EIF2B3: variants seen among roughly 807,000 people sequenced by gnomAD.
EIF2B3 encodes translation initiation factor eIF2B subunit gamma.
In EIF2B3, 20 loss-of-function variants were observed where a neutral mutation model predicts 54.1. The ratio of observed to expected loss-of-function variants is 0.37; its 90% confidence interval spans 0.26 to 0.54. EIF2B3 has a LOEUF of 0.54. Ranked by LOEUF, EIF2B3 falls within the 20% of genes least tolerant of loss-of-function variation. The probability of loss-of-function intolerance (pLI) is 0.86; values close to 1 mark genes in which losing one functional copy is unlikely to be tolerated. For missense variants in EIF2B3, 448 were observed against 547.8 expected, an observed-to-expected ratio of 0.82 and a Z score of 1.82; for synonymous variants, 153 against 188.1, an observed-to-expected ratio of 0.81 and a Z score of 1.52.
chr1:44,948,695 G>T (rs1164696538), intron 3 of EIF2B3, among the ~76,000 whole-genome samples: 1 of 151,848 alleles, frequency 6.6e-6, no homozygotes, highest in African/African-American at 2.4e-5. Flanking sequence ...ACACCACCTG[G>T]CTTTGAGTAC....
chr1:44,909,267 C>T (rs530901370), intron 5 of EIF2B3, among the ~76,000 whole-genome samples: 34 of 151,410 alleles, frequency 2.2e-4, no homozygotes, highest in African/African-American at 8.0e-4. Flanking sequence ...GCAGATTAAA[C>T]ATAAGCGTTA....
intron 6 of EIF2B3, among the ~76,000 whole-genome samples, chr1:44,895,708 G>A (rs1331386249): frequency 6.6e-6 from 1 of 152,140 alleles, no homozygotes; most frequent in Non-Finnish European, 1.5e-5. Context: ...AGGGTAATGG[G>A]GGGAGAGAAA....
chr1:44,958,792 G>C, intron 3 of EIF2B3: 3 of 1,363,970 alleles, frequency 2.2e-6, no homozygotes, highest in Admixed American at 3.4e-5. Context: ...GTATTGGCAG[G>C]ACTGCGACAA....
chr1:44,920,599 T>C (rs761239458), intron 5 of EIF2B3, among the ~76,000 whole-genome samples: 11 of 152,160 alleles, frequency 7.2e-5, no homozygotes, highest in African/African-American at 1.7e-4. Context: ...ATGAGTTCCA[T>C]TGATTTTTAG....
intron 3 of EIF2B3, among the ~76,000 whole-genome samples, chr1:44,972,727 G>C (rs1644415158): frequency 1.3e-5 from 2 of 151,736 alleles, no homozygotes; most frequent in South Asian, 4.2e-4. Flanking sequence ...GAGTGCAGTG[G>C]TACGATCTCA....
At chr1:44,926,183 G>A (rs780481524) in intron 5 of EIF2B3, among the ~76,000 whole-genome samples, 1 of 152,130 alleles carries the variant, frequency 6.6e-6, no homozygotes, top group Admixed American at 6.6e-5. Flanking sequence ...AGCCAAGATT[G>A]CACCACTGTA....
At chr1:44,911,780 A>G (rs913063311) in intron 5 of EIF2B3, among the ~76,000 whole-genome samples, 1 of 151,810 alleles carries the variant, frequency 6.6e-6, no homozygotes, top group Non-Finnish European at 1.5e-5. Flanking sequence ...ATATGTATAC[A>G]TGTGCCATGC....
chr1:44,960,483 C>CA (rs1209401340), intron 3 of EIF2B3, among the ~76,000 whole-genome samples: 1 of 151,830 alleles, frequency 6.6e-6, no homozygotes, highest in Non-Finnish European at 1.5e-5. Flanking sequence ...ACTAAAGATA[C>CA]AAAAAATTAG....
intron 11 of EIF2B3, among the ~76,000 whole-genome samples, chr1:44,853,599 C>A (rs1273377099): frequency 6.6e-6 from 1 of 151,932 alleles, no homozygotes; most frequent in Non-Finnish European, 1.5e-5. Context: ...AGAGTAAGAC[C>A]CTGTCTCAAA....
At chr1:44,981,819 TC>T (rs1431677162) in intron 1 of EIF2B3, among the ~76,000 whole-genome samples, 6 of 151,616 alleles carry the variant, frequency 4.0e-5, no homozygotes, top group Non-Finnish European at 5.9e-5. Context: ...TGCCTATGGT[TC>T]CAGCTACTTG....
intron 11 of EIF2B3, among the ~76,000 whole-genome samples, chr1:44,852,832 G>A (rs1654318170): frequency 6.6e-6 from 1 of 151,352 alleles, no homozygotes; most frequent in African/African-American, 2.4e-5. Flanking sequence ...ATGGAACAGT[G>A]TAGTTATGAT....
chr1:44,900,651 T>A (rs263970), intron 5 of EIF2B3, among the ~76,000 whole-genome samples: 102,567 of 151,696 alleles, frequency 0.68, 36,738 homozygotes, highest in East Asian at 0.98. Flanking sequence ...AATAATAATT[T>A]AAAAAAAACC....
chr1:44,958,780 T>C lies in EIF2B3; in HGVS notation c.295-17115A>G. 4 of 1,459,320 alleles carry C rather than the reference T, an allele frequency of 2.7e-6. No individual in the cohort carries two copies. The Admixed American group carries it at 5.0e-5, about 18-fold the overall frequency. 90.4% of individuals were successfully genotyped at this position (1,459,320 alleles called of 1,614,324 possible). On this transcript the variant is annotated intron_variant, in intron 3 of 11. Transcript: ENST00000360403. Reference sequence around the variant, plus strand: ...AATCCATCAGAGAAATATAAAGCTATGGTATTGGCAGGACTGCGACAAGAG... The same window carrying C: ...AATCCATCAGAGAAATATAAAGCTACGGTATTGGCAGGACTGCGACAAGAG...
chr1:44,863,565 G>A (rs1573684493), intron 10 of EIF2B3, among the ~76,000 whole-genome samples: 1 of 151,892 alleles, frequency 6.6e-6, no homozygotes, highest in East Asian at 1.9e-4. Context: ...AATATTTTAA[G>A]TATAGAAAAA....
At chr1:44,853,983 T>C (rs1473248902) in intron 11 of EIF2B3, among the ~76,000 whole-genome samples, 1 of 151,284 alleles carries the variant, frequency 6.6e-6, no homozygotes, top group Non-Finnish European at 1.5e-5. Flanking sequence ...AGCATGCTTT[T>C]AGCAGTTAGT....
At chr1:44,880,598 C>A (rs994680585) in intron 7 of EIF2B3, among the ~76,000 whole-genome samples, 4 of 152,132 alleles carry the variant, frequency 2.6e-5, no homozygotes, top group Admixed American at 6.5e-5. Flanking sequence ...TCAGCTCTTA[C>A]AACGATCCTT....
chr1:44,871,530 CCT>C (rs1237764309), intron 10 of EIF2B3, among the ~76,000 whole-genome samples: 1 of 152,186 alleles, frequency 6.6e-6, no homozygotes, highest in Non-Finnish European at 1.5e-5. Flanking sequence ...TGTATCCATC[CCT>C]CTCTGATTTA....
At chr1:44,949,694 T>C (rs1644140446) in intron 3 of EIF2B3, among the ~76,000 whole-genome samples, 2 of 152,100 alleles carry the variant, frequency 1.3e-5, no homozygotes, top group Admixed American at 1.3e-4. Context: ...AAGGCAGAGA[T>C]GTCTGAAAGG....
chr1:44,935,105 G>T (rs1643933637), intron 4 of EIF2B3, among the ~76,000 whole-genome samples: 1 of 152,190 alleles, frequency 6.6e-6, no homozygotes, highest in Admixed American at 6.5e-5. Flanking sequence ...AGGAGTTTGG[G>T]AAATACTACA....
Sources: allele counts gnomAD v4.1 joint callset (sites outside exome capture counted in the v4.1 genomes callset), GRCh38; gene constraint gnomAD v4.1.1; transcripts MANE v1.5; gene names NCBI Gene and HGNC (gene_info 2026-07-23, HGNC 2026-07-21).